SRP72: variants seen among roughly 807,000 people sequenced by gnomAD.
SRP72 encodes signal recognition particle subunit SRP72.
A neutral mutation model predicts 96.3 loss-of-function variants in SRP72; 49 were observed. The observed-to-expected ratio is 0.51, with a 90% CI of 0.40 to 0.65. The LOEUF (loss-of-function observed/expected upper bound fraction) is 0.65. Ranked by LOEUF, SRP72 falls within the 30% of genes least tolerant of loss-of-function variation. SRP72 has a pLI of 0.00. For missense variants in SRP72, 736 were observed against 793.3 expected, an observed-to-expected ratio of 0.93 and a Z score of 0.87; for synonymous variants, 267 against 275.2, an observed-to-expected ratio of 0.97 and a Z score of 0.30.
chr4:56,495,830 A>C (rs1157747162), intron 17 of SRP72, among the ~76,000 whole-genome samples: 3 of 152,218 alleles, frequency 2.0e-5, no homozygotes, highest in African/African-American at 7.2e-5. Flanking sequence ...TAAAGTTGGC[A>C]GTCTAGAGGA....
At position 56,491,436 on chromosome 4, in the gene SRP72, G is replaced by C; in HGVS notation, c.1508G>C (p.Ser503Thr). 3.7e-6 allele frequency: 6 copies of C among 1,613,596 alleles called. No individual in the cohort carries two copies. The highest frequency in any genetic ancestry group is 5.1e-6 in the Non-Finnish European group (6 of 1,179,816). ...LVDPEKAKAL[S>T]KHLPSSDSMS... ...GAACTCCTGTTCTATCACAGTCTTA[G>C]TAAACACTTGCCATCGTCAGATAGT... Residue 503 changes from serine (S) to threonine (T), a missense_variant, in exon 16 of 19, where the codon AGT becomes ACT. Physicochemically the swap from Ser to Thr is moderately conservative, Grantham distance 58 (BLOSUM62 1). Transcript: ENST00000642900.
At chr4:56,483,863 C>T (rs1720597669) in intron 9 of SRP72, among the ~76,000 whole-genome samples, 1 of 151,886 alleles carries the variant, frequency 6.6e-6, no homozygotes, top group Admixed American at 6.6e-5. Context: ...ATCAAAGATG[C>T]TAGCCATGAT....
intron 2 of SRP72, among the ~76,000 whole-genome samples, chr4:56,470,500 AT>A (rs1308972320): frequency 6.6e-6 from 1 of 150,920 alleles, no homozygotes; most frequent in African/African-American, 2.4e-5. Context: ...AGATCGTGCC[AT>A]TGCACTCCAG....
In SRP72 at chr4:56,489,388, G is replaced by A. The variant is rs1195105242; in HGVS notation, c.1225G>A (p.Val409Ile). ...IEELKHKPGM[V>I]SALVTMYSHE... Reference sequence around the variant, plus strand: ...CTAATTTATACCTTTGGCTGTGTAGGTATCTGCATTAGTTACCATGTATAG... The same window carrying A: ...CTAATTTATACCTTTGGCTGTGTAGATATCTGCATTAGTTACCATGTATAG... The change falls in exon 13 of 19, where the codon GTA becomes ATA. Residue 409 changes from valine (V) to isoleucine (I), a missense_variant and splice_region_variant. Physicochemically the swap from Val to Ile is conservative, Grantham distance 29. Around this residue, in one of 3 missense-constraint regions of SRP72, gnomAD observed 388 missense variants for 431.8 expected, o/e 0.90. Transcript: ENST00000642900. 2 of 1,569,878 alleles carry A rather than the reference G, an allele frequency of 1.3e-6. No individual in the cohort carries two copies. The highest frequency in any genetic ancestry group is 1.7e-6 in the Non-Finnish European group (2 of 1,148,956).
chr4:56,500,572 C>G lies in SRP72; in HGVS notation c.1715C>G (p.Pro572Arg), dbSNP rs746264351. 1.9e-6 allele frequency: 3 copies of G among 1,613,784 alleles called. No individual in the cohort carries two copies. Among genetic ancestry groups the G allele is most frequent in the East Asian group, 4.5e-5 (2 of 44,872 alleles). Residue 572 changes from proline to arginine, a missense_variant, in exon 18 of 19, where the codon CCA becomes CGA. Transcript: ENST00000642900. ...AAGAATTATGACCCAAAAGTTACCCCAGATCCAGAAAGATGGCTGCCAATG... is the reference window on the plus strand; with the variant it reads ...AAGAATTATGACCCAAAAGTTACCCGAGATCCAGAAAGATGGCTGCCAATG... ...LPKNYDPKVT[P>R]DPERWLPMRE...
At chr4:56,471,920 G>A in intron 3 of SRP72, 77 bp downstream of exon 3, 1 of 1,551,430 alleles carries the variant, frequency 6.4e-7, no homozygotes, top group Non-Finnish European at 8.7e-7. Flanking sequence ...GCAGGGTTGA[G>A]GAAACCCAGC....
At chr4:56,478,806 C>G (rs536112838) in intron 8 of SRP72, among the ~76,000 whole-genome samples, 157 bp downstream of exon 8, 1 of 152,118 alleles carries the variant, frequency 6.6e-6, no homozygotes, top group East Asian at 1.9e-4. Flanking sequence ...CTTAACTCTC[C>G]TAATGATAAT....
intron 16 of SRP72, 38 bp from the exon 17 acceptor site, chr4:56,495,319 A>G (rs764786539): frequency 1.4e-6 from 2 of 1,394,926 alleles, no homozygotes; most frequent in Non-Finnish European, 2.0e-6. Flanking sequence ...TAAATATTTT[A>G]TCACAAAGAT....
chr4:56,484,787 C>T lies in SRP72; in HGVS notation c.1009C>T (p.His337Tyr). Residue 337 changes from histidine (H) to tyrosine (Y), a missense_variant, in exon 10 of 19, where the codon CAT becomes TAT. Physicochemically the swap from His to Tyr is moderately conservative, Grantham distance 83. Transcript: ENST00000642900. ...SASLQSQSPE[H>Y]LLPVLIQAAQ... Reference sequence around the variant, plus strand: ...CAGTTTACAGTCCCAAAGTCCCGAGCATCTCTTACCTGTGTTAATCCAAGC... The same window carrying T: ...CAGTTTACAGTCCCAAAGTCCCGAGTATCTCTTACCTGTGTTAATCCAAGC... 6.2e-7 allele frequency: 1 copy of T among 1,614,162 alleles called. No individual in the cohort carries two copies. The highest frequency in any genetic ancestry group is 1.3e-5 in the African/African-American group (1 of 75,060).
In SRP72 at chr4:56,484,875, T is replaced by TA. The variant is rs1470034247; in HGVS notation, c.1086+12dup. ...ATAGAGCTGCTTCAGGTAAAATAAT[T>TA]ACTTGAATGAGGTGTCAGACATTTG... is the stretch of plus-strand genomic sequence containing the variant. On this transcript the variant is annotated intron_variant, in intron 10 of 18. Coordinates refer to ENST00000642900, the MANE Select transcript of SRP72 (RefSeq NM_006947.4). The TA allele has an allele frequency of 1.2e-6, 2 of 1,607,582 alleles. No individual in the cohort carries two copies. The highest frequency in any genetic ancestry group is 3.5e-5 in the Admixed American group (2 of 57,816).
At chr4:56,472,480 T>C (rs936506389) in intron 3 of SRP72, among the ~76,000 whole-genome samples, 6 of 151,618 alleles carry the variant, frequency 4.0e-5, no homozygotes, top group African/African-American at 1.5e-4. Context: ...CAAGTAGCTG[T>C]GATTACAGGC....
intron 17 of SRP72, chr4:56,500,304 A>G (rs544540013): frequency 2.7e-6 from 1 of 377,214 alleles, no homozygotes; most frequent in South Asian, 3.1e-5. Context: ...ACCATGGCAC[A>G]TGTATACCTA....
chr4:56,487,917 T>C, intron 11 of SRP72, 32 bp from the exon 12 acceptor site: 1 of 1,512,372 alleles, frequency 6.6e-7, no homozygotes, highest in Non-Finnish European at 9.0e-7. Flanking sequence ...TGTGTTCTTC[T>C]ATGTAATGCT....
At position 56,478,522 on chromosome 4, in the gene SRP72, G is replaced by C; in HGVS notation, c.767+19G>C. On this transcript the variant is annotated intron_variant, in intron 7 of 18. Coordinates refer to ENST00000642900, the MANE Select transcript of SRP72 (RefSeq NM_006947.4). ...AACTAAAGTGAGTTATTAAAAGGAA[G>C]TGTCTTTTATAGGGGATGGGGTTCT... is the stretch of plus-strand genomic sequence containing the variant. 6.2e-7 allele frequency: 1 copy of C among 1,613,590 alleles called. No individual in the cohort carries two copies. Among genetic ancestry groups the C allele is most frequent in the Non-Finnish European group, 8.5e-7 (1 of 1,179,842 alleles).
intron 6 of SRP72, 86 bp downstream of exon 6, chr4:56,476,788 T>G: frequency 1.4e-6 from 2 of 1,415,488 alleles, no homozygotes; most frequent in Non-Finnish European, 2.0e-6. Flanking sequence ...TTTATTGACT[T>G]TTTTTAGAAG....
In SRP72 at chr4:56,480,412, A is replaced by T. The variant is rs560638439; in HGVS notation, c.825+1763A>T. ...GTAGCTGGGACTACAGTCACGTGCCACCACACCCGGCTAATTTTTGTATTT... is the reference window on the plus strand; with the variant it reads ...GTAGCTGGGACTACAGTCACGTGCCTCCACACCCGGCTAATTTTTGTATTT... On this transcript the variant is annotated intron_variant, in intron 8 of 18. Coordinates refer to ENST00000642900, the MANE Select transcript of SRP72 (RefSeq NM_006947.4). 2.6e-5 allele frequency among the ~76,000 whole-genome samples: 4 copies of T among 152,220 alleles called. No homozygotes were observed. The East Asian group carries it at 7.7e-4, about 29-fold the overall frequency.
intron 3 of SRP72, 90 bp from the exon 4 acceptor site, chr4:56,473,964 C>G: frequency 7.6e-7 from 1 of 1,317,346 alleles, no homozygotes; most frequent in Non-Finnish European, 1.0e-6. Flanking sequence ...ACTAGGATTC[C>G]TACTTAGTGG....
intron 18 of SRP72, 49 bp from the exon 19 acceptor site, chr4:56,501,635 C>T (rs1458353279): frequency 6.5e-7 from 1 of 1,542,210 alleles, no homozygotes; most frequent in Admixed American, 1.9e-5. Context: ...TTTTTATACT[C>T]TTCCTTCGTT....
intron 15 of SRP72, 55 bp downstream of exon 15, chr4:56,490,700 C>G (rs1720876281): frequency 1.4e-6 from 2 of 1,415,444 alleles, no homozygotes; most frequent in Non-Finnish European, 2.0e-6. Flanking sequence ...TAGATCTCTT[C>G]TGATATCTGT....
Sources: allele counts gnomAD v4.1 joint callset (sites outside exome capture counted in the v4.1 genomes callset), GRCh38; gene constraint gnomAD v4.1.1; regional missense constraint gnomAD v4.1.1; transcripts MANE v1.5; gene names NCBI Gene and HGNC (gene_info 2026-07-23, HGNC 2026-07-21).